RAB3C: variants seen among roughly 807,000 people sequenced by gnomAD.
RAB3C encodes RAB3C, member RAS oncogene family.
Under a neutral mutation model 26.4 loss-of-function variants are expected in RAB3C, and 17 were observed. The ratio of observed to expected loss-of-function variants is 0.64; its 90% confidence interval spans 0.44 to 0.97. The LOEUF (loss-of-function observed/expected upper bound fraction) is 0.97. RAB3C is among the 50% of genes least tolerant of loss of function. RAB3C has a pLI of 0.00. For missense variants in RAB3C, 242 were observed against 281.9 expected (o/e 0.86, Z 1.01); for synonymous variants, 91 against 95.9 (o/e 0.95, Z 0.30).
chr5:58,716,316 CAT>C (rs1267400030), intron 2 of RAB3C, among the ~76,000 whole-genome samples: 1 of 152,160 alleles, frequency 6.6e-6, no homozygotes, highest in East Asian at 1.9e-4. Flanking sequence ...AAAGCACATA[CAT>C]GAACAAAGGT....
At chr5:58,782,029 T>TATCA (rs962183075) in intron 3 of RAB3C, among the ~76,000 whole-genome samples, 8 of 152,180 alleles carry the variant, frequency 5.3e-5, no homozygotes, top group African/African-American at 1.9e-4. Context: ...GTGCATATCT[T>TATCA]ATCAACTGCT....
intron 1 of RAB3C, among the ~76,000 whole-genome samples, chr5:58,592,534 T>A (rs1746156254): frequency 6.6e-6 from 1 of 152,176 alleles, no homozygotes; most frequent in Admixed American, 6.5e-5. Context: ...GTACATAGTT[T>A]CTATCTGGTA....
At chr5:58,740,754 A>G (rs1741258375) in intron 3 of RAB3C, among the ~76,000 whole-genome samples, 1 of 152,188 alleles carries the variant, frequency 6.6e-6, no homozygotes, top group African/African-American at 2.4e-5. Context: ...CAGGAGGTGG[A>G]TATTGCAGTG....
At chr5:58,661,175 A>G (rs978805356) in intron 2 of RAB3C, among the ~76,000 whole-genome samples, 1 of 150,376 alleles carries the variant, frequency 6.6e-6, no homozygotes, top group Non-Finnish European at 1.5e-5. Flanking sequence ...AGAAACTAGA[A>G]TATATCTTAA....
chr5:58,626,809 T>C (rs776214871), intron 2 of RAB3C, among the ~76,000 whole-genome samples: 1 of 152,200 alleles, frequency 6.6e-6, no homozygotes, highest in African/African-American at 2.4e-5. Context: ...CTTTCTGAAA[T>C]AGCAAGTAGT....
At chr5:58,748,039 T>A (rs2111957937) in intron 3 of RAB3C, among the ~76,000 whole-genome samples, 1 of 152,248 alleles carries the variant, frequency 6.6e-6, no homozygotes, top group Non-Finnish European at 1.5e-5. Flanking sequence ...AATGTAATAA[T>A]AATAACAAAA....
intron 2 of RAB3C, among the ~76,000 whole-genome samples, chr5:58,697,093 A>C (rs1748717004): frequency 6.6e-6 from 1 of 152,170 alleles, no homozygotes; most frequent in South Asian, 2.1e-4. Context: ...CACTGCTTTA[A>C]ACGTGTCCCA....
rs748600318 is a variant in RAB3C, at chr5:58,853,413, T to G, written c.*2062T>G. On this transcript the variant is annotated 3_prime_UTR_variant, in exon 5 of 5. Transcript: ENST00000282878. ...TCCTTCACAGCCCTCATCCCACACA[T>G]AGATGTAAAAAGCTTAGAAAGAATA... is the stretch of plus-strand genomic sequence containing the variant. The G allele has an allele frequency of 6.6e-6, 1 of 152,162 alleles. No homozygotes were observed. Among genetic ancestry groups the G allele is most frequent in the Non-Finnish European group, 1.5e-5 (1 of 68,018 alleles). 9.4% of individuals were successfully genotyped at this position (152,162 alleles called of 1,614,324 possible). A position where few individuals can be genotyped will look rare whatever the true frequency, so the allele number is the denominator to read the frequency against.
At chr5:58,591,992 G>A (rs558655590) in intron 1 of RAB3C, among the ~76,000 whole-genome samples, 3 of 150,314 alleles carry the variant, frequency 2.0e-5, no homozygotes, top group South Asian at 2.1e-4. Flanking sequence ...TCTGCCTCCC[G>A]GGTTCAAGCG....
chr5:58,640,092 C>T (rs950616273), intron 2 of RAB3C, among the ~76,000 whole-genome samples: 2 of 152,158 alleles, frequency 1.3e-5, no homozygotes, highest in Admixed American at 6.5e-5. Flanking sequence ...TGGGTATTCC[C>T]AGTGCCTTTT....
chr5:58,772,149 C>A (rs113469289), intron 3 of RAB3C, among the ~76,000 whole-genome samples: 2 of 152,056 alleles, frequency 1.3e-5, no homozygotes, highest in Non-Finnish European at 2.9e-5. Flanking sequence ...TGGGCTAATG[C>A]GACATGGATG....
At chr5:58,693,292 AAATTTAAT>A (rs1748609084) in intron 2 of RAB3C, among the ~76,000 whole-genome samples, 11 of 142,434 alleles carry the variant, frequency 7.7e-5, no homozygotes, top group African/African-American at 2.9e-4. Context: ...ATAATTATAT[AAATTTAAT>A]TATATAAATA....
intron 3 of RAB3C, among the ~76,000 whole-genome samples, chr5:58,732,326 A>T (rs137994440): frequency 3.5e-4 from 53 of 152,046 alleles, no homozygotes; most frequent in African/African-American, 1.3e-3. Flanking sequence ...ATGATATATT[A>T]TATAGCTCTC....
intron 2 of RAB3C, among the ~76,000 whole-genome samples, chr5:58,646,831 T>C (rs971253773): frequency 3.3e-5 from 5 of 152,224 alleles, no homozygotes; most frequent in African/African-American, 1.2e-4. Flanking sequence ...ATGGCCGACA[T>C]ATTCAATTAG....
At chr5:58,764,313 T>C (rs1369684990) in intron 3 of RAB3C, among the ~76,000 whole-genome samples, 2 of 152,184 alleles carry the variant, frequency 1.3e-5, no homozygotes, top group Non-Finnish European at 2.9e-5. Flanking sequence ...TAAATCCTAA[T>C]GCATGACGAT....
At chr5:58,648,299 T>C (rs759196230) in intron 2 of RAB3C, among the ~76,000 whole-genome samples, 45 of 152,272 alleles carry the variant, frequency 3.0e-4, no homozygotes, top group Non-Finnish European at 5.6e-4. Flanking sequence ...CATCCACCCA[T>C]CCATGCATTC....
At chr5:58,835,414 C>T (rs921440606) in intron 4 of RAB3C, among the ~76,000 whole-genome samples, 2 of 152,164 alleles carry the variant, frequency 1.3e-5, no homozygotes, top group Non-Finnish European at 2.9e-5. Flanking sequence ...ATGCAAAGTG[C>T]CCTTCTTCAT....
chr5:58,592,658 T>C (rs1387316766), intron 1 of RAB3C, among the ~76,000 whole-genome samples: 1 of 152,178 alleles, frequency 6.6e-6, no homozygotes, highest in Non-Finnish European at 1.5e-5. Flanking sequence ...AAATTTTGCC[T>C]TCATTTTTGA....
At chr5:58,834,004 T>C (rs1743679383) in intron 4 of RAB3C, among the ~76,000 whole-genome samples, 1 of 152,202 alleles carries the variant, frequency 6.6e-6, no homozygotes, top group Non-Finnish European at 1.5e-5. Flanking sequence ...TCATTCAATG[T>C]CTTTTTGATA....
Sources: gnomAD v4.1 joint callset for allele counts (sites outside exome capture counted in the v4.1 genomes callset) on GRCh38, gnomAD v4.1.1 for gene constraint, MANE v1.5 for transcripts, NCBI Gene and HGNC (gene_info 2026-07-23, HGNC 2026-07-21) for gene names.